The following ISM2 variants were observed in gnomAD, a reference collection of about 807,000 sequenced individuals.
ISM2 encodes isthmin 2.
In ISM2, 50 loss-of-function variants were observed where a neutral mutation model predicts 58.0. The observed-to-expected ratio is 0.86, with a 90% confidence interval of 0.69 to 1.09. The LOEUF (loss-of-function observed/expected upper bound fraction) is 1.09. Ranked by LOEUF, ISM2 falls within the 50% of genes least tolerant of loss-of-function variation. ISM2 has a pLI of 0.00. For missense variants in ISM2, 723 were observed against 745.0 expected, an observed-to-expected ratio of 0.97 and a Z score of 0.34; for synonymous variants, 303 against 312.4, an observed-to-expected ratio of 0.97 and a Z score of 0.32.
intron 1 of ISM2, among the ~76,000 whole-genome samples, chr14:77,489,702 C>T (rs546290059): frequency 3.3e-5 from 5 of 152,154 alleles, no homozygotes; most frequent in Admixed American, 1.3e-4. Context: ...GCGGAGGCTG[C>T]AAAGCTCCTC....
chr14:77,478,278 G>T lies in ISM2; in HGVS notation c.1162C>A (p.Leu388Ile), dbSNP rs1395433468. ...ATGTCCGTAGCATTGCGGGCCAGGAGCTTCCACTCCTCACTGGGGAGGCCC... is the reference window on the plus strand; with the variant it reads ...ATGTCCGTAGCATTGCGGGCCAGGATCTTCCACTCCTCACTGGGGAGGCCC... ...TLGLPSEEWKLLARNATDMHD... is the reference protein window; with the variant it reads ...TLGLPSEEWKILARNATDMHD... The change falls in exon 6 of 7, where the codon CTC (leucine) becomes ATC (isoleucine). Residue 388 changes from leucine to isoleucine, a missense_variant. By Grantham distance (5) the Leu-to-Ile change is conservative (BLOSUM62 2). Coordinates refer to ENST00000342219, the MANE Select transcript of ISM2 (RefSeq NM_199296.3). The T allele has an allele frequency of 1.2e-6, 2 of 1,614,188 alleles. No homozygotes were observed. Among genetic ancestry groups the T allele is most frequent in the Non-Finnish European group, 8.5e-7 (1 of 1,180,022 alleles).
chr14:77,491,041 T>C (rs1472608854), intron 1 of ISM2, among the ~76,000 whole-genome samples: 1 of 152,110 alleles, frequency 6.6e-6, no homozygotes, highest in Non-Finnish European at 1.5e-5. Context: ...CCAGATAAAA[T>C]CAGCCTTTAG....
rs1319115998 is a variant in ISM2 at position 77,484,251 on chromosome 14, C to T, written c.627+72G>A. 10 of 1,562,218 alleles carry T rather than the reference C, an allele frequency of 6.4e-6. No homozygotes were observed. In the South Asian group the frequency reaches 1.1e-4, roughly 17 times the overall value. ...CCACGGAATCCAGGATATAGGGTATCCTGAGCCCACCTTGTCAGCCCCGCT... is the reference window on the plus strand; with the variant it reads ...CCACGGAATCCAGGATATAGGGTATTCTGAGCCCACCTTGTCAGCCCCGCT... On this transcript the variant is annotated intron_variant, in intron 3 of 6. Transcript: ENST00000342219.
Position 77,475,946 on chromosome 14 carries a change from C to T in ISM2, c.1365G>A (p.Trp455Ter), listed in dbSNP as rs776019039. 1.5e-5 allele frequency: 24 copies of T among 1,598,916 alleles called. No individual in the cohort carries two copies. The highest frequency in any genetic ancestry group is 1.9e-5 in the Non-Finnish European group (23 of 1,179,544). Reference protein sequence around the residue: ...QDEHQGRSFRWRDASGPRERL... With the variant: ...QDEHQGRSFR Reference sequence around the variant, plus strand: ...GCTCGCGAGGGCCACTGGCATCCCTCCACCGGAAGCTGCGGCCCTGGTGCT... The same window carrying T: ...GCTCGCGAGGGCCACTGGCATCCCTTCACCGGAAGCTGCGGCCCTGGTGCT... The change falls in exon 7 of 7, where the codon TGG becomes TGA. Residue 455 changes from tryptophan to a stop codon, truncating the protein, a stop_gained. Coordinates refer to ENST00000342219, the MANE Select transcript of ISM2 (RefSeq NM_199296.3). LOFTEE classifies it high-confidence loss of function. This position sits in a 1 kb window ranked among gnomAD's most constrained non-coding sequence, Gnocchi z 4.1.
chr14:77,488,224 G>A (rs566260519), intron 1 of ISM2, among the ~76,000 whole-genome samples: 3 of 152,318 alleles, frequency 2.0e-5, no homozygotes, highest in African/African-American at 2.4e-5. Flanking sequence ...TCACTGCCAC[G>A]TAAACAAATG....
Position 77,478,360 on chromosome 14 carries a change from G to C in ISM2, c.1115-35C>G, listed in dbSNP as rs191715957. ...GAAAGGAGGCCAGGCTGGTGGCTCC[G>C]CAGGCCACCTCAGTGCCGCTGATGG... is the stretch of plus-strand genomic sequence containing the variant. On this transcript the variant is annotated intron_variant, in intron 5 of 6. Transcript: ENST00000342219. The C allele has an allele frequency of 7.1e-4, 1,113 of 1,565,916 alleles. 5 individuals are homozygous for C. In the African/African-American group the frequency reaches 0.013, roughly 19 times the overall value.
rs772051861 is a variant in ISM2 at position 77,498,741 on chromosome 14, G to T, written c.53C>A (p.Ala18Glu). The change falls in exon 1 of 7, where the codon GCG (alanine) becomes GAG (glutamate). Residue 18 changes from alanine to glutamate, a missense_variant. Transcript: ENST00000342219. ...CCCTAGCGCCGCCTCCAGCAGCGCC[G>T]CCAGCAGCAGCACGCAGAGGAGGAG... ...AGLLLCVLLLAALLEAALGLP... is the reference protein window; with the variant it reads ...AGLLLCVLLLEALLEAALGLP... The T allele has an allele frequency of 1.4e-6, 2 of 1,481,330 alleles. No individual in the cohort carries two copies. Among genetic ancestry groups the T allele is most frequent in the Non-Finnish European group, 1.8e-6 (2 of 1,124,558 alleles). 91.8% of individuals were successfully genotyped at this position (1,481,330 alleles called of 1,614,324 possible).
intron 1 of ISM2, among the ~76,000 whole-genome samples, chr14:77,490,727 C>A (rs970734846): frequency 1.3e-5 from 2 of 152,236 alleles, no homozygotes; most frequent in Non-Finnish European, 2.9e-5. Flanking sequence ...TCCATCCTTC[C>A]CTTTGATCCT....
chr14:77,482,689 G>A (rs747448397), intron 3 of ISM2, 22 bp from the exon 4 acceptor site: 22 of 1,441,730 alleles, frequency 1.5e-5, no homozygotes, highest in South Asian at 5.4e-5. Context: ...AGGCCAGGCC[G>A]GCCAGTGAAG....
rs1490178848 is a variant in ISM2 at position 77,475,715 on chromosome 14, C to A, written c.1596G>T (p.Leu532=). 5.0e-6 allele frequency: 8 copies of A among 1,614,012 alleles called. No homozygotes were observed. Among genetic ancestry groups the A allele is most frequent in the Non-Finnish European group, 6.8e-6 (8 of 1,180,042 alleles). The part of the protein sequence containing the change: ...HFKFDTTPWI[L]CKGDWSRLHA... ...GGAGGCGGCTCCAGTCCCCCTTGCA[C>A]AGGATCCAGGGCGTCGTGTCGAACT... The change falls in exon 7 of 7, where the codon CTG becomes CTT. Residue 532 remains leucine, a synonymous_variant. Coordinates refer to ENST00000342219, the MANE Select transcript of ISM2 (RefSeq NM_199296.3). The surrounding 1 kb of genome is among the most constrained non-coding windows in gnomAD (Gnocchi z 4.1).
intron 1 of ISM2, among the ~76,000 whole-genome samples, chr14:77,489,307 CAG>C (rs2079186731): frequency 3.3e-5 from 5 of 152,224 alleles, no homozygotes; most frequent in Admixed American, 3.3e-4. Flanking sequence ...CCCAACCACA[CAG>C]AGCCAGGCTG....
intron 1 of ISM2, among the ~76,000 whole-genome samples, chr14:77,497,796 A>G (rs2079256801): frequency 7.1e-6 from 1 of 139,922 alleles, no homozygotes; most frequent in Non-Finnish European, 1.5e-5. Flanking sequence ...GGAAGGAAGG[A>G]AGGAAGGAAG....
chr14:77,495,836 G>A (rs951343670), intron 1 of ISM2, among the ~76,000 whole-genome samples: 1 of 152,156 alleles, frequency 6.6e-6, no homozygotes, highest in African/African-American at 2.4e-5. Context: ...TCTTGTGAGG[G>A]ACCAAAAAGT....
intron 5 of ISM2, 49 bp from the exon 6 acceptor site, chr14:77,478,374 T>C: frequency 6.5e-7 from 1 of 1,540,626 alleles, no homozygotes; most frequent in Non-Finnish European, 9.0e-7. Flanking sequence ...GCCACCTCAG[T>C]GCCGCTGATG....
chr14:77,478,761 G>A (rs774228326), intron 4 of ISM2, 46 bp from the exon 5 acceptor site: 2 of 1,583,844 alleles, frequency 1.3e-6, no homozygotes, highest in Non-Finnish European at 1.7e-6. Context: ...TAGCTCACAG[G>A]GCAAATTGGT....
At chr14:77,485,041 G>A in intron 1 of ISM2, 122 bp from the exon 2 acceptor site, 1 of 994,536 alleles carries the variant, frequency 1.0e-6, no homozygotes. Flanking sequence ...CTCACCCTGT[G>A]ACTTACATCT....
intron 1 of ISM2, among the ~76,000 whole-genome samples, chr14:77,494,436 T>C (rs182827009): frequency 2.5e-4 from 38 of 151,928 alleles, no homozygotes; most frequent in African/African-American, 9.2e-4. Flanking sequence ...TCACTCTGTC[T>C]CCCAGGCTGG....
Position 77,475,735 on chromosome 14 carries a change from C to A in ISM2, c.1576G>T (p.Asp526Tyr). 1 of 1,613,662 alleles carries A rather than the reference C, an allele frequency of 6.2e-7. No individual in the cohort carries two copies. The highest frequency in any genetic ancestry group is 8.5e-7 in the Non-Finnish European group (1 of 1,179,922). Reference protein sequence around the residue: ...DFSPKLHFKFDTTPWILCKGD... With the variant: ...DFSPKLHFKFYTTPWILCKGD... Reference sequence around the variant, plus strand: ...TTGCACAGGATCCAGGGCGTCGTGTCGAACTTGAAGTGCAGCTTAGGTGAG... The same window carrying A: ...TTGCACAGGATCCAGGGCGTCGTGTAGAACTTGAAGTGCAGCTTAGGTGAG... Residue 526 changes from aspartate (D) to tyrosine (Y), a missense_variant, in exon 7 of 7, where the codon GAC becomes TAC. Coordinates refer to ENST00000342219, the MANE Select transcript of ISM2 (RefSeq NM_199296.3). This position sits in a 1 kb window ranked among gnomAD's most constrained non-coding sequence, Gnocchi z 4.1.
At chr14:77,483,643 CGTGTGTGTGTGTGTGTCT>C (rs1263930719) in intron 3 of ISM2, among the ~76,000 whole-genome samples, 1 of 149,268 alleles carries the variant, frequency 6.7e-6, no homozygotes, top group East Asian at 1.9e-4. Flanking sequence ...TGCGTGTGTG[CGTGTGTGTGTGTGTGTCT>C]GTGTGTGTGT....
Sources: gnomAD v4.1 joint callset for allele counts (sites outside exome capture counted in the v4.1 genomes callset) on GRCh38, gnomAD v4.1.1 for gene constraint, Gnocchi (gnomAD v3.1) non-coding constraint, MANE v1.5 for transcripts, NCBI Gene and HGNC (gene_info 2026-07-23, HGNC 2026-07-21) for gene names.